Variants in KALRN observed in about 807,000 individuals in gnomAD.
The protein encoded by KALRN is kalirin.
A neutral mutation model predicts 353.7 loss-of-function variants in KALRN; 70 were observed. The ratio of observed to expected loss-of-function variants is 0.20; its 90% CI spans 0.16 to 0.24. The LOEUF is 0.24. KALRN is among the 10% of genes least tolerant of loss of function. The pLI, the probability that KALRN is intolerant of heterozygous loss-of-function variation, is 1.00. For missense variants in KALRN, 2,791 were observed against 3,756.7 expected, an observed-to-expected ratio of 0.74 and a Z score of 6.72; for synonymous variants, 1,391 against 1,434.8, an observed-to-expected ratio of 0.97 and a Z score of 0.69.
chr3:124,519,937 T>C (rs2067020555), intron 33 of KALRN: 1 of 947,290 alleles, frequency 1.1e-6, no homozygotes, highest in Admixed American at 6.2e-5. Flanking sequence ...CCATCCCACT[T>C]TCCAGAAAGA....
At chr3:124,066,385 T>C (rs1251997498) in intron 1 of KALRN, among the ~76,000 whole-genome samples, 6 of 152,094 alleles carry the variant, frequency 3.9e-5, no homozygotes, top group African/African-American at 2.4e-5. Context: ...AAGATGACAC[T>C]AGGGTGAAAA....
chr3:124,487,209 A>G lies in KALRN; in HGVS notation c.4285-995A>G, dbSNP rs149313324. Among the ~76,000 whole-genome samples the G allele has an allele frequency of 4.5e-4, 68 of 152,324 alleles. 1 individual carries two copies. The East Asian group carries it at 0.013, about 28-fold the overall frequency. On this transcript the variant is annotated intron_variant, in intron 28 of 59. Coordinates refer to ENST00000682506, the MANE Select transcript of KALRN (RefSeq NM_001388419.1). ...CCCTGATAGGAAAAATGAAAAGCCAACATTCTTCTGGTTTGGGCAAAAATC... is the reference window on the plus strand; with the variant it reads ...CCCTGATAGGAAAAATGAAAAGCCAGCATTCTTCTGGTTTGGGCAAAAATC...
chr3:124,543,314 T>G (rs943087654), intron 33 of KALRN, among the ~76,000 whole-genome samples: 3 of 151,912 alleles, frequency 2.0e-5, no homozygotes, highest in African/African-American at 7.3e-5. Flanking sequence ...CTTTTTTTTT[T>G]TTTTTGAGAC....
chr3:124,474,762 C>T (rs1286237552), intron 26 of KALRN, 30 bp downstream of exon 26: 1 of 1,555,004 alleles, frequency 6.4e-7, no homozygotes, highest in Non-Finnish European at 8.9e-7. Flanking sequence ...TCTCCCACTG[C>T]CCATACACAT....
chr3:124,231,435 A>G (rs539572982), intron 2 of KALRN, among the ~76,000 whole-genome samples: 1 of 151,976 alleles, frequency 6.6e-6, no homozygotes, highest in African/African-American at 2.4e-5. Context: ...CTGCCTCCCT[A>G]TCTCCCACCA....
Position 124,367,633 on chromosome 3 carries a change from T to TG in KALRN, c.1771-17206dup, listed in dbSNP as rs1296126221. 1.2e-3 allele frequency among the ~76,000 whole-genome samples: 16 copies of TG among 13,482 alleles called. 2 individuals are homozygous for TG. Among genetic ancestry groups the TG allele is most frequent in the African/African-American group, 3.9e-3 (15 of 3,836 alleles). 8.8% of individuals were successfully genotyped at this position (13,482 alleles called of 152,430 possible). ...TCCCGGACGGGGCGGCTGGCCGGGT[T>TG]GGGGGGCTGACCGCCCCCACCTCCC... On this transcript the variant is annotated intron_variant, in intron 10 of 59. Transcript: ENST00000682506.
At chr3:124,081,345 A>G (rs12636796) in intron 1 of KALRN, among the ~76,000 whole-genome samples, 90,809 of 152,146 alleles carry the variant, frequency 0.6, 30,041 homozygotes, top group Non-Finnish European at 0.75. Flanking sequence ...TGTCTTACCT[A>G]TATGTTCTCA....
At chr3:124,633,620 T>G (rs546905343) in intron 35 of KALRN, among the ~76,000 whole-genome samples, 1 of 118,312 alleles carries the variant, frequency 8.5e-6, no homozygotes, top group East Asian at 3.3e-4. Context: ...AGTTTCTGGT[T>G]TTGCTTCTTT....
intron 26 of KALRN, among the ~76,000 whole-genome samples, chr3:124,475,437 G>A (rs374634540): frequency 1.3e-5 from 2 of 152,118 alleles, no homozygotes; most frequent in South Asian, 4.1e-4. Context: ...CTGAACTCAG[G>A]CTCATGTACA....
Position 124,241,518 on chromosome 3 carries a change from TTAGAA to T in KALRN, c.263+6578_263+6582del, listed in dbSNP as rs142680392. Reference sequence around the variant, plus strand: ...AATAATGATTACTTTTCTCCATACTTTAGAATAAATATCATAATTTGTGTCAATAT... The same window carrying T: ...AATAATGATTACTTTTCTCCATACTTTAAATATCATAATTTGTGTCAATAT... On this transcript the variant is annotated intron_variant, in intron 3 of 59. Coordinates refer to ENST00000682506, the MANE Select transcript of KALRN (RefSeq NM_001388419.1). Among the ~76,000 whole-genome samples, 5,729 of 152,270 alleles carry T rather than the reference TTAGAA, an allele frequency of 0.038. 704 individuals carry two copies. The East Asian group carries it at 0.46, about 12-fold the overall frequency.
Position 124,616,822 on chromosome 3 carries a change from G to A in KALRN, c.5183-15598G>A, listed in dbSNP as rs145717424. On this transcript the variant is annotated intron_variant, in intron 34 of 59. Coordinates refer to ENST00000682506, the MANE Select transcript of KALRN (RefSeq NM_001388419.1). ...CTACTAAAAATACAAAAAATTAGCCGGACATGGTGGCCGGCGCCTGTAGTC... is the reference window on the plus strand; with the variant it reads ...CTACTAAAAATACAAAAAATTAGCCAGACATGGTGGCCGGCGCCTGTAGTC... Among the ~76,000 whole-genome samples the A allele has an allele frequency of 9.1e-3, 1,381 of 151,992 alleles. 17 individuals carry two copies. Among genetic ancestry groups the A allele is most frequent in the African/African-American group, 0.032 (1,306 of 41,436 alleles).
intron 1 of KALRN, among the ~76,000 whole-genome samples, chr3:124,128,543 G>C (rs1318705408): frequency 6.6e-6 from 1 of 152,058 alleles, no homozygotes; most frequent in Non-Finnish European, 1.5e-5. Context: ...CCCATCCAGA[G>C]GGCAAATGTT....
intron 6 of KALRN, among the ~76,000 whole-genome samples, chr3:124,321,269 C>T (rs1316968490): frequency 6.6e-6 from 1 of 152,200 alleles, no homozygotes; most frequent in Admixed American, 6.5e-5. Context: ...TCAAATAATA[C>T]CTTCTCTTGG....
chr3:124,450,432 A>T (rs1400850821), intron 21 of KALRN, among the ~76,000 whole-genome samples: 1 of 152,248 alleles, frequency 6.6e-6, no homozygotes, highest in African/African-American at 2.4e-5. Flanking sequence ...TAGCTGAACT[A>T]AACTATGATT....
chr3:124,145,515 G>A (rs2067221422), intron 1 of KALRN, among the ~76,000 whole-genome samples: 2 of 152,228 alleles, frequency 1.3e-5, no homozygotes, highest in East Asian at 3.9e-4. Flanking sequence ...GCTTCTTCCT[G>A]TGGCAGTGCC....
intron 38 of KALRN, among the ~76,000 whole-genome samples, chr3:124,652,124 A>G (rs559756930): frequency 3.0e-4 from 45 of 152,326 alleles, no homozygotes; most frequent in African/African-American, 1.1e-3. Context: ...CCTTTAGCCT[A>G]GCCACAGACA....
intron 36 of KALRN, among the ~76,000 whole-genome samples, chr3:124,635,059 G>A (rs1297949393): frequency 6.6e-6 from 1 of 152,212 alleles, no homozygotes; most frequent in Admixed American, 6.5e-5. Flanking sequence ...TGTGGCAGCT[G>A]CCCCCATGAT....
At chr3:124,114,266 T>C (rs1458339661) in intron 1 of KALRN, among the ~76,000 whole-genome samples, 1 of 152,128 alleles carries the variant, frequency 6.6e-6, no homozygotes, top group Non-Finnish European at 1.5e-5. Flanking sequence ...TGGATTTGGA[T>C]GGGAGGAAGA....
At chr3:124,343,837 G>A (rs533309204) in intron 9 of KALRN, among the ~76,000 whole-genome samples, 56 of 152,276 alleles carry the variant, frequency 3.7e-4, no homozygotes, top group African/African-American at 1.3e-3. Context: ...TCAGCATCAG[G>A]CCATGCCTGC....
Sources: gnomAD v4.1 joint callset for allele counts (sites outside exome capture counted in the v4.1 genomes callset) on GRCh38, gnomAD v4.1.1 for gene constraint, MANE v1.5 for transcripts, NCBI Gene and HGNC (gene_info 2026-07-23, HGNC 2026-07-21) for gene names.